Variants in CTNND1 observed in about 807,000 individuals in gnomAD.
CTNND1 encodes catenin delta 1, also known as catenin delta-1.
A neutral mutation model predicts 112.1 loss-of-function variants in CTNND1; 16 were observed. The observed-to-expected ratio is 0.14, with a 90% CI of 0.10 to 0.22. The LOEUF is 0.22. Among genes scored for constraint, CTNND1 ranks in the 10% least tolerant of loss-of-function variants. The pLI is 1.00. For synonymous variants in CTNND1, 420 were observed against 446.5 expected (o/e 0.94, Z 0.75); for missense variants, 1,008 against 1,257.0 (o/e 0.80, Z 3.00).
At chr11:57,800,054 CTG>C (rs1341292845) in intron 6 of CTNND1, among the ~76,000 whole-genome samples, 1 of 123,442 alleles carries the variant, frequency 8.1e-6, no homozygotes, top group Non-Finnish European at 1.6e-5. Flanking sequence ...GTGGTGCGAT[CTG>C]GTATTATACC....
intron 14 of CTNND1, among the ~76,000 whole-genome samples, chr11:57,809,054 A>G (rs1289950606): frequency 6.6e-6 from 1 of 152,208 alleles, no homozygotes; most frequent in Non-Finnish European, 1.5e-5. Context: ...TACACTTTCA[A>G]TGTGGTTGAA....
In CTNND1 at chr11:57,808,520, C is replaced by T; in HGVS notation, c.2222C>T (p.Ala741Val). The change falls in exon 14 of 21, where the codon GCT (alanine) becomes GTT (valine). Residue 741 changes from alanine (A) to valine (V), a missense_variant. This residue lies in a region of CTNND1 where 254 missense variants were observed against 279.5 expected (regional missense o/e 0.91). Transcript: ENST00000399050. ...GCACTGAGAAACCTGGCTGTGGATG[C>T]TCGCAACAAAGAATTAATTGGTGAG... ...SGALRNLAVDARNKELIGKHA... is the reference protein window; with the variant it reads ...SGALRNLAVDVRNKELIGKHA... 1 of 1,603,394 alleles carries T rather than the reference C, an allele frequency of 6.2e-7. No homozygotes were observed. Among genetic ancestry groups the T allele is most frequent in the South Asian group, 1.1e-5 (1 of 89,062 alleles).
At chr11:57,811,305 T>TGGGAATA in intron 16 of CTNND1, 94 bp from the exon 17 acceptor site, 1 of 977,996 alleles carries the variant, frequency 1.0e-6, no homozygotes, top group Admixed American at 2.4e-5. Context: ...TGATTCTATT[T>TGGGAATA]GGGAATAGGA....
chr11:57,783,652 C>G (rs969203970), intron 1 of CTNND1, among the ~76,000 whole-genome samples: 9 of 150,568 alleles, frequency 6.0e-5, no homozygotes, highest in Non-Finnish European at 1.3e-4. Context: ...GAGCGAGACT[C>G]CATCTCAAAA....
chr11:57,793,569 G>A (rs1360876638), intron 3 of CTNND1, among the ~76,000 whole-genome samples: 3 of 152,158 alleles, frequency 2.0e-5, no homozygotes, highest in African/African-American at 7.2e-5. Flanking sequence ...AGACTATAAA[G>A]CTCTTTGGAA....
At chr11:57,813,193 A>G (rs2063573041) in intron 17 of CTNND1, among the ~76,000 whole-genome samples, 1 of 152,064 alleles carries the variant, frequency 6.6e-6, no homozygotes, top group East Asian at 1.9e-4. Context: ...GCATGGTGGC[A>G]CATTCCTGTA....
At chr11:57,767,067 T>C (rs1212649685) in intron 1 of CTNND1, among the ~76,000 whole-genome samples, 1 of 151,014 alleles carries the variant, frequency 6.6e-6, no homozygotes, top group Non-Finnish European at 1.5e-5. Flanking sequence ...CGCCTCCCGG[T>C]TTCAAGCGAT....
intron 2 of CTNND1, among the ~76,000 whole-genome samples, chr11:57,789,371 AAG>A (rs1356190119): frequency 1.3e-5 from 2 of 152,316 alleles, no homozygotes; most frequent in East Asian, 1.9e-4. Context: ...TCATAGCTAT[AAG>A]AGAGAAAAAA....
rs1380785300 is a variant in CTNND1 at position 57,816,618 on chromosome 11, G to A, written c.*310G>A. The A allele has an allele frequency of 6.5e-5, 30 of 459,744 alleles. No individual in the cohort carries two copies. The Admixed American group carries it at 8.5e-4, about 13-fold the overall frequency. The allele number at this position is 459,744 out of a possible 1,614,324, so 28.5% of individuals were successfully genotyped here. A position where few individuals can be genotyped will look rare whatever the true frequency, so the allele number is the denominator to read the frequency against. On this transcript the variant is annotated 3_prime_UTR_variant, in exon 21 of 21. Coordinates refer to ENST00000399050, the MANE Select transcript of CTNND1 (RefSeq NM_001085458.2). ...TTTGCCAGTTTTCCCTGGAACTCCT[G>A]GCCTTTTGTGGAGGGGAGGGATGGA...
Position 57,770,478 on chromosome 11 carries a change from C to G in CTNND1, c.-214+8359C>G, listed in dbSNP as rs112584397. On this transcript the variant is annotated intron_variant, in intron 1 of 20. Transcript: ENST00000399050. ...GACCATCCTGGCCAACGTGGTGAAA[C>G]CCTGTGTCTACTAAAATTTCAAAAA... 9.8e-3 allele frequency among the ~76,000 whole-genome samples: 1,489 copies of G among 151,950 alleles called. 28 individuals are homozygous for G. The highest frequency in any genetic ancestry group is 0.035 in the African/African-American group (1,431 of 41,448).
intron 6 of CTNND1, among the ~76,000 whole-genome samples, chr11:57,799,580 G>A (rs138763388): frequency 5.0e-4 from 76 of 152,322 alleles, no homozygotes; most frequent in African/African-American, 1.7e-3. Context: ...TTCTAGTTGT[G>A]CCTTTGCCAC....
intron 17 of CTNND1, 40 bp downstream of exon 17, chr11:57,811,526 T>C: frequency 7.3e-7 from 1 of 1,377,482 alleles, no homozygotes; most frequent in Non-Finnish European, 1.0e-6. Context: ...TTTTAGCCAC[T>C]CTTGCTGTTC....
At chr11:57,790,961 A>C (rs2060674713) in intron 2 of CTNND1, among the ~76,000 whole-genome samples, 1 of 152,060 alleles carries the variant, frequency 6.6e-6, no homozygotes, top group Non-Finnish European at 1.5e-5. Context: ...AGGTTAAGTA[A>C]GATCTGTATT....
intron 14 of CTNND1, among the ~76,000 whole-genome samples, chr11:57,808,951 CATA>C (rs1316099835): frequency 6.6e-6 from 1 of 152,062 alleles, no homozygotes; most frequent in Non-Finnish European, 1.5e-5. Flanking sequence ...ATTTTAAATT[CATA>C]ATAACTCTTC....
intron 1 of CTNND1, among the ~76,000 whole-genome samples, chr11:57,771,707 A>G (rs1349148870): frequency 6.6e-6 from 1 of 152,202 alleles, no homozygotes; most frequent in Non-Finnish European, 1.5e-5. Context: ...CCCAGAGACA[A>G]CGGCTGTTAC....
At chr11:57,816,268 C>T in intron 20 of CTNND1, 29 bp from the exon 21 acceptor site, 1 of 1,613,550 alleles carries the variant, frequency 6.2e-7, no homozygotes, top group Non-Finnish European at 8.5e-7. Flanking sequence ...ACCCCATTAA[C>T]ATTCTCTCTT....
rs1399290177 is a variant in CTNND1 at position 57,808,021 on chromosome 11, G to T, written c.1964-144G>T. 9.0e-6 allele frequency: 7 copies of T among 778,474 alleles called. No individual in the cohort carries two copies. In the East Asian group the frequency reaches 1.4e-4, roughly 15 times the overall value. The allele number at this position is 778,474 out of a possible 1,614,324, so 48.2% of individuals were successfully genotyped here. On this transcript the variant is annotated intron_variant, in intron 12 of 20. Coordinates refer to ENST00000399050, the MANE Select transcript of CTNND1 (RefSeq NM_001085458.2). ...GAATTTGGCCTCTAAGTTTGCTGTAGAGAGTGTGAGAGAGTTTAGGGAACC... is the reference window on the plus strand; with the variant it reads ...GAATTTGGCCTCTAAGTTTGCTGTATAGAGTGTGAGAGAGTTTAGGGAACC...
intron 16 of CTNND1, 122 bp from the exon 17 acceptor site, chr11:57,811,277 T>TTA: frequency 1.4e-6 from 1 of 712,528 alleles, no homozygotes; most frequent in Non-Finnish European, 2.4e-6. Context: ...TATTCAACTC[T>TTA]TATAAGTTGC....
intron 17 of CTNND1, chr11:57,814,039 G>A (rs1197493850): frequency 5.9e-6 from 2 of 341,050 alleles, no homozygotes; most frequent in Admixed American, 4.6e-5. Flanking sequence ...TAGGGGCCAG[G>A]TGTGATGGCT....
Sources: gnomAD v4.1 joint callset for allele counts (sites outside exome capture counted in the v4.1 genomes callset) on GRCh38, gnomAD v4.1.1 for gene constraint, gnomAD v4.1.1 regional missense constraint, MANE v1.5 for transcripts, NCBI Gene and HGNC (gene_info 2026-07-23, HGNC 2026-07-21) for gene names.